The following KLF17 variants were observed in gnomAD, a reference collection of about 807,000 sequenced individuals.
The protein encoded by KLF17 is KLF transcription factor 17.
A neutral mutation model predicts 34.2 loss-of-function variants in KLF17; 31 were observed. The observed-to-expected ratio is 0.91, with a 90% CI of 0.68 to 1.22. KLF17 has a LOEUF of 1.22. KLF17 is among the 50% of genes most tolerant of loss of function. The pLI is 0.00. For missense variants in KLF17, 478 were observed against 505.2 expected, an observed-to-expected ratio of 0.95 and a Z score of 0.52; for synonymous variants, 179 against 186.7, an observed-to-expected ratio of 0.96 and a Z score of 0.34.
the KLF17 span, among the ~76,000 whole-genome samples, chr1:44,091,853 G>T: frequency 6.7e-6 from 1 of 149,962 alleles, no homozygotes; most frequent in Non-Finnish European, 1.5e-5. Context: ...CGAGGCTGCA[G>T]TGGGCTAGGA....
chr1:44,065,409 T>A, the KLF17 span, among the ~76,000 whole-genome samples: 1 of 143,780 alleles, frequency 7.0e-6, no homozygotes, highest in East Asian at 2.0e-4. Context: ...TCCTTGGTTT[T>A]TTTTTTTTTT....
the KLF17 span, among the ~76,000 whole-genome samples, chr1:44,044,179 T>C: frequency 2.6e-5 from 4 of 152,220 alleles, no homozygotes; most frequent in South Asian, 2.1e-4. Flanking sequence ...TCTGTGACCC[T>C]GACTCTGGGA....
chr1:44,089,045 A>G, the KLF17 span, among the ~76,000 whole-genome samples: 2 of 152,286 alleles, frequency 1.3e-5, no homozygotes, highest in African/African-American at 2.4e-5. Context: ...TATCACATGA[A>G]TGGTGCTGAA....
At chr1:44,130,404 C>T in intron 2 of KLF17, 108 bp from the exon 3 acceptor site, 1 of 1,485,074 alleles carries the variant, frequency 6.7e-7, no homozygotes, top group Non-Finnish European at 9.3e-7. Context: ...TCCCTGGTTC[C>T]CTGGACCTTC....
chr1:44,056,430 G>C, the KLF17 span, among the ~76,000 whole-genome samples: 2 of 152,126 alleles, frequency 1.3e-5, no homozygotes, highest in Non-Finnish European at 2.9e-5. Flanking sequence ...GCAAGTAATA[G>C]CCTTTTTGGG....
chr1:44,067,595 A>G, the KLF17 span, among the ~76,000 whole-genome samples: 15 of 152,250 alleles, frequency 9.9e-5, no homozygotes, highest in African/African-American at 2.7e-4. Context: ...GCACTGGAGC[A>G]TAAATTATAC....
chr1:44,045,122 G>A, the KLF17 span: 1 of 152,196 alleles, frequency 6.6e-6, no homozygotes, highest in Non-Finnish European at 1.5e-5. Context: ...CCACCTGCCT[G>A]GAGGAAGGAC....
At chr1:44,047,581 A>G in the KLF17 span, among the ~76,000 whole-genome samples, 1 of 149,000 alleles carries the variant, frequency 6.7e-6, no homozygotes, top group East Asian at 1.9e-4. Flanking sequence ...TGACATCAAC[A>G]TCACTAGTAG....
At chr1:44,100,143 CT>C in the KLF17 span, among the ~76,000 whole-genome samples, 3 of 150,446 alleles carry the variant, frequency 2.0e-5, no homozygotes, top group Admixed American at 6.6e-5. Context: ...TGGTGTGTGC[CT>C]GTAATCCCAG....
At chr1:44,124,030 T>C (rs1364435288) in intron 1 of KLF17, among the ~76,000 whole-genome samples, 1 of 152,190 alleles carries the variant, frequency 6.6e-6, no homozygotes, top group African/African-American at 2.4e-5. Context: ...ATGAACACTT[T>C]CGAAGAATGG....
intron 1 of KLF17, among the ~76,000 whole-genome samples, chr1:44,127,692 T>TTCTTTTTTTTC (rs753421834): frequency 4.4e-5 from 4 of 90,136 alleles, no homozygotes; most frequent in Non-Finnish European, 8.2e-5. Flanking sequence ...CTTTCTTTCT[T>TTCTTTTTTTTC]TTTCTTTCTT....
the KLF17 span, among the ~76,000 whole-genome samples, chr1:44,112,606 C>G: frequency 3.3e-5 from 5 of 152,010 alleles, no homozygotes; most frequent in South Asian, 2.1e-4. Flanking sequence ...CGGGGTCTTG[C>G]TTTGTTGCCC....
At chr1:44,074,104 T>C in the KLF17 span, among the ~76,000 whole-genome samples, 1 of 152,102 alleles carries the variant, frequency 6.6e-6, no homozygotes, top group Non-Finnish European at 1.5e-5. Context: ...TTATTTTTAT[T>C]CCGTTCATCT....
the KLF17 span, among the ~76,000 whole-genome samples, chr1:44,098,024 G>A: frequency 1.3e-5 from 2 of 152,030 alleles, no homozygotes; most frequent in Non-Finnish European, 2.9e-5. Flanking sequence ...GCCCAGGCTG[G>A]AGTGCAGTGG....
intron 1 of KLF17, among the ~76,000 whole-genome samples, chr1:44,120,894 G>A (rs1339857620): frequency 6.6e-6 from 1 of 152,176 alleles, no homozygotes; most frequent in African/African-American, 2.4e-5. Flanking sequence ...TGAAGCAGAA[G>A]GCTCGTTTGA....
the KLF17 span, among the ~76,000 whole-genome samples, chr1:44,089,476 C>T: frequency 3.9e-5 from 6 of 152,270 alleles, no homozygotes; most frequent in Non-Finnish European, 7.3e-5. Flanking sequence ...TGCTGGGAAG[C>T]GTATGACCTT....
the KLF17 span, among the ~76,000 whole-genome samples, chr1:44,085,103 T>C: frequency 6.6e-6 from 1 of 151,498 alleles, no homozygotes; most frequent in Middle Eastern, 3.5e-3. Context: ...TGTATATATA[T>C]ATGTGTGTGT....
At chr1:44,091,027 T>C in the KLF17 span, among the ~76,000 whole-genome samples, 1 of 152,170 alleles carries the variant, frequency 6.6e-6, no homozygotes, top group South Asian at 2.1e-4. Context: ...CAGGACTTTG[T>C]TATACTCTTA....
At chr1:44,109,349 C>T in the KLF17 span, among the ~76,000 whole-genome samples, 15,380 of 152,166 alleles carry the variant, frequency 0.1, 849 homozygotes, top group African/African-American at 0.14. Flanking sequence ...ACTCCTAATA[C>T]TTTAAATGGG....
Sources: allele counts gnomAD v4.1 joint callset (sites outside exome capture counted in the v4.1 genomes callset), GRCh38; gene constraint gnomAD v4.1.1; transcripts MANE v1.5; gene names NCBI Gene and HGNC (gene_info 2026-07-23, HGNC 2026-07-21).